Variants in EYS observed in about 807,000 individuals in gnomAD.
EYS encodes the protein EGF-like photoreceptor maintenance factor.
A neutral mutation model predicts 282.1 loss-of-function variants in EYS; 250 were observed. The observed-to-expected ratio is 0.89, with a 90% CI of 0.80 to 0.98. The LOEUF (loss-of-function observed/expected upper bound fraction) is 0.98. Among genes scored for constraint, EYS ranks in the 50% least tolerant of loss-of-function variants. EYS has a pLI of 0.00. For synonymous variants in EYS, 1,355 were observed against 1,282.9 expected, an observed-to-expected ratio of 1.06 and a Z score of -1.20; for missense variants, 4,016 against 3,709.0, an observed-to-expected ratio of 1.08 and a Z score of -2.15.
intron 31 of EYS, among the ~76,000 whole-genome samples, chr6:64,154,724 T>C (rs1430480386): frequency 6.6e-6 from 1 of 152,008 alleles, no homozygotes; most frequent in Non-Finnish European, 1.5e-5. Context: ...TTAAAAATTG[T>C]TGTCTTTAAG....
intron 1 of EYS, among the ~76,000 whole-genome samples, chr6:65,699,299 T>G (rs1769569849): frequency 6.6e-6 from 1 of 152,198 alleles, no homozygotes; most frequent in South Asian, 2.1e-4. Flanking sequence ...ACAAGTATTT[T>G]TATCAAAATT....
intron 29 of EYS, among the ~76,000 whole-genome samples, chr6:64,325,021 C>T (rs647367): frequency 0.72 from 109,066 of 152,016 alleles, 39,321 homozygotes; most frequent in African/African-American, 0.79. Flanking sequence ...ATTAATATCA[C>T]TGAAATTGCC....
At chr6:65,452,996 A>G (rs1404365463) in intron 5 of EYS, among the ~76,000 whole-genome samples, 1 of 152,018 alleles carries the variant, frequency 6.6e-6, no homozygotes, top group East Asian at 1.9e-4. Context: ...CAAAAAACAA[A>G]TTCATCTACA....
At chr6:64,220,718 A>G (rs563269334) in intron 31 of EYS, among the ~76,000 whole-genome samples, 17 of 152,204 alleles carry the variant, frequency 1.1e-4, no homozygotes, top group South Asian at 2.1e-4. Context: ...ACATCTTTGC[A>G]TGCTCATTCT....
intron 22 of EYS, among the ~76,000 whole-genome samples, chr6:64,755,982 A>G (rs1409399774): frequency 3.3e-5 from 5 of 152,142 alleles, no homozygotes; most frequent in Admixed American, 6.5e-5. Flanking sequence ...GTACATTCAA[A>G]CCCACATCAA....
At chr6:64,235,987 T>A (rs1012505075) in intron 30 of EYS, among the ~76,000 whole-genome samples, 2 of 152,122 alleles carry the variant, frequency 1.3e-5, no homozygotes, top group Non-Finnish European at 2.9e-5. Context: ...GCCAGCATCA[T>A]CCTGATACCA....
intron 31 of EYS, among the ~76,000 whole-genome samples, chr6:64,227,479 T>C (rs1265142117): frequency 6.6e-6 from 1 of 152,098 alleles, no homozygotes; most frequent in Non-Finnish European, 1.5e-5. Flanking sequence ...GGTGGTTAAA[T>C]GTGAAATCTG....
chr6:65,549,219 T>A lies in EYS; in HGVS notation c.-332-53226A>T, dbSNP rs1768509931. 3.9e-5 allele frequency among the ~76,000 whole-genome samples: 6 copies of A among 152,162 alleles called. 1 individual carries two copies. Among genetic ancestry groups the A allele is most frequent in the Admixed American group, 3.3e-4 (5 of 15,284 alleles). On this transcript the variant is annotated intron_variant, in intron 2 of 42. Transcript: ENST00000503581. ...TAGCAGATATTCCTGGACTAATAGATCTTACTACAATAATCTGTATCTAAT... is the reference window on the plus strand; with the variant it reads ...TAGCAGATATTCCTGGACTAATAGAACTTACTACAATAATCTGTATCTAAT...
chr6:65,002,801 A>G (rs1214678890), intron 13 of EYS, among the ~76,000 whole-genome samples: 4 of 147,628 alleles, frequency 2.7e-5, no homozygotes, highest in African/African-American at 9.7e-5. Context: ...TTAGTTCCCC[A>G]AATTAATACT....
At chr6:65,217,591 G>A (rs776566835) in intron 12 of EYS, among the ~76,000 whole-genome samples, 1 of 151,936 alleles carries the variant, frequency 6.6e-6, no homozygotes, top group South Asian at 2.1e-4. Flanking sequence ...CTTTAATTAG[G>A]GTAATCACAG....
At chr6:64,414,326 C>A (rs1192134736) in intron 28 of EYS, among the ~76,000 whole-genome samples, 1 of 152,002 alleles carries the variant, frequency 6.6e-6, no homozygotes, top group African/African-American at 2.4e-5. Flanking sequence ...AAATGGTTCA[C>A]GTTTTGTGTA....
chr6:64,720,241 C>T (rs1318677855), intron 22 of EYS, among the ~76,000 whole-genome samples: 2 of 152,158 alleles, frequency 1.3e-5, no homozygotes, highest in Admixed American at 6.5e-5. Context: ...ATCTTCACAT[C>T]CTTCTCTAAC....
intron 5 of EYS, among the ~76,000 whole-genome samples, chr6:65,442,266 A>G (rs12665455): frequency 0.19 from 28,149 of 151,956 alleles, 3,255 homozygotes; most frequent in Middle Eastern, 0.3. Context: ...TCTTATAGTC[A>G]ATATTCAGTA....
At chr6:64,419,060 T>C (rs1774145268) in intron 28 of EYS, among the ~76,000 whole-genome samples, 1 of 152,118 alleles carries the variant, frequency 6.6e-6, no homozygotes, top group Non-Finnish European at 1.5e-5. Context: ...ATTTAAATAT[T>C]CGCTATGGCT....
At chr6:64,277,248 A>T (rs886464541) in intron 30 of EYS, among the ~76,000 whole-genome samples, 1 of 152,152 alleles carries the variant, frequency 6.6e-6, no homozygotes, top group Non-Finnish European at 1.5e-5. Context: ...CACAGTTGCA[A>T]TTTCCACAGG....
chr6:65,478,004 T>C (rs1018894718), intron 5 of EYS, among the ~76,000 whole-genome samples: 27 of 152,112 alleles, frequency 1.8e-4, no homozygotes, highest in African/African-American at 5.1e-4. Flanking sequence ...CATCCCCACA[T>C]CTCATATTCT....
chr6:65,219,726 A>C (rs1766411081), intron 12 of EYS, among the ~76,000 whole-genome samples: 1 of 152,146 alleles, frequency 6.6e-6, no homozygotes, highest in South Asian at 2.1e-4. Context: ...TATAAAGAAA[A>C]ATAGGTTTAA....
chr6:65,271,207 A>G (rs1244517761), intron 12 of EYS, among the ~76,000 whole-genome samples: 1 of 142,710 alleles, frequency 7.0e-6, no homozygotes, highest in Non-Finnish European at 1.5e-5. Flanking sequence ...GAGAAATTCC[A>G]CAATCTGCTG....
intron 22 of EYS, among the ~76,000 whole-genome samples, chr6:64,682,315 C>A (rs1205231666): frequency 2.0e-5 from 3 of 151,986 alleles, no homozygotes; most frequent in Admixed American, 6.6e-5. Context: ...TTGCAGTGAG[C>A]CGAAATCGCG....
Sources: allele counts gnomAD v4.1 joint callset (sites outside exome capture counted in the v4.1 genomes callset), GRCh38; gene constraint gnomAD v4.1.1; transcripts MANE v1.5; gene names NCBI Gene and HGNC (gene_info 2026-07-23, HGNC 2026-07-21).